The following PIWIL4 variants were observed in gnomAD, a reference collection of about 807,000 sequenced individuals.
PIWIL4 encodes the protein piwi like RNA-mediated gene silencing 4.
PIWIL4 carries 50 observed loss-of-function variants against 100.9 expected under a neutral mutation model. The ratio of observed to expected loss-of-function variants is 0.50; its 90% CI spans 0.39 to 0.63. The LOEUF is 0.63. Among genes scored for constraint, PIWIL4 ranks in the 20% least tolerant of loss-of-function variants. The pLI is 0.00. For missense variants in PIWIL4, 887 were observed against 1,043.3 expected (o/e 0.85, Z 2.06); for synonymous variants, 342 against 367.5 (o/e 0.93, Z 0.79).
At chr11:94,607,990 T>C (rs1268994847) in intron 14 of PIWIL4, among the ~76,000 whole-genome samples, 1 of 152,194 alleles carries the variant, frequency 6.6e-6, no homozygotes, top group African/African-American at 2.4e-5. Flanking sequence ...CCTGGGGAGC[T>C]GGCATAGCCT....
intron 12 of PIWIL4, among the ~76,000 whole-genome samples, chr11:94,602,860 A>ACCCG (rs1385284779): frequency 6.6e-6 from 1 of 152,138 alleles, no homozygotes; most frequent in Non-Finnish European, 1.5e-5. Flanking sequence ...ATTGAGTTTC[A>ACCCG]CCCGCTCTAC....
intron 2 of PIWIL4, among the ~76,000 whole-genome samples, chr11:94,572,393 G>C (rs547962161): frequency 2.0e-5 from 3 of 152,184 alleles, no homozygotes; most frequent in African/African-American, 7.2e-5. Context: ...TATTGCCTGG[G>C]TTTTCTTCTA....
At chr11:94,579,790 A>G (rs748473237) in intron 4 of PIWIL4, among the ~76,000 whole-genome samples, 13 of 152,234 alleles carry the variant, frequency 8.5e-5, no homozygotes, top group Non-Finnish European at 1.8e-4. Flanking sequence ...TGATCCTTCA[A>G]TTCTTTGTCC....
chr11:94,616,617 C>T, intron 16 of PIWIL4, 54 bp downstream of exon 16: 2 of 1,389,960 alleles, frequency 1.4e-6, no homozygotes, highest in Admixed American at 2.0e-5. Context: ...CTTCAGACCT[C>T]AAATCCACAT....
chr11:94,569,268 A>G (rs1439883734), intron 2 of PIWIL4, among the ~76,000 whole-genome samples: 2 of 152,260 alleles, frequency 1.3e-5, no homozygotes, highest in Admixed American at 6.5e-5. Flanking sequence ...AGATAAAGAA[A>G]ATGTGGTAAC....
intron 1 of PIWIL4, 117 bp from the exon 2 acceptor site, chr11:94,568,613 A>T: frequency 1.4e-6 from 1 of 722,402 alleles, no homozygotes. Context: ...TTTACCTGTT[A>T]ACATTTTCTT....
At chr11:94,611,037 C>T (rs1376479622) in intron 15 of PIWIL4, among the ~76,000 whole-genome samples, 3 of 152,066 alleles carry the variant, frequency 2.0e-5, no homozygotes, top group Admixed American at 1.3e-4. Context: ...CTTTCTTTAT[C>T]CCATTGTGTA....
Position 94,607,469 on chromosome 11 carries a change from A to G in PIWIL4, c.1669A>G (p.Thr557Ala). 1 of 1,613,910 alleles carries G rather than the reference A, an allele frequency of 6.2e-7. No individual in the cohort carries two copies. The highest frequency in any genetic ancestry group is 1.3e-5 in the African/African-American group (1 of 75,024). ...VMCILPSNQK[T>A]YYDSIKKYLS... ...GTGCATTCTGCCTTCTAATCAGAAG[A>G]CCTATTATGATTCCATTAAAAAATA... Residue 557 changes from threonine (T) to alanine (A), a missense_variant, in exon 14 of 20, where the codon ACC becomes GCC. Physicochemically the swap from Thr to Ala is moderately conservative, Grantham distance 58. This residue lies in a region of PIWIL4 where 741 missense variants were observed against 930.0 expected (regional missense o/e 0.80). Coordinates refer to ENST00000299001, the MANE Select transcript of PIWIL4 (RefSeq NM_152431.3).
rs1948251525 is a variant in PIWIL4 at position 94,577,283 on chromosome 11, AGTGGAATACCTGTGAAACTG to A, written c.307_326del (p.Gly103TyrfsTer5). On this transcript the variant is annotated frameshift_variant, in exon 4 of 20. Transcript: ENST00000299001. LOFTEE classifies it high-confidence loss of function. ...TTTTTGTTTGTCTTCTTCAGGTTCC[AGTGGAATACCTGTGAAACTG>A]GTTACAAACCTCTTTAACTTAGATT... 6.2e-7 allele frequency: 1 copy of A among 1,611,820 alleles called. No homozygotes were observed. The highest frequency in any genetic ancestry group is 1.1e-5 in the South Asian group (1 of 90,852).
intron 16 of PIWIL4, among the ~76,000 whole-genome samples, chr11:94,617,314 C>T (rs1035062120): frequency 2.0e-5 from 3 of 151,762 alleles, no homozygotes; most frequent in Non-Finnish European, 4.4e-5. Context: ...CTATTATATT[C>T]CCCTCACATC....
In PIWIL4 at chr11:94,621,133, A is replaced by G; in HGVS notation, c.*141A>G. ...CATGTCTAGGAAAAAAAGCAAAACA[A>G]CTTAATCTGAAACAGTTTTAAAAAA... is the stretch of plus-strand genomic sequence containing the variant. On this transcript the variant is annotated 3_prime_UTR_variant, in exon 20 of 20. Transcript: ENST00000299001. The G allele has an allele frequency of 1.7e-6, 1 of 580,400 alleles. No homozygotes were observed. The highest frequency in any genetic ancestry group is 3.0e-6 in the Non-Finnish European group (1 of 330,220). 36.0% of individuals were successfully genotyped at this position (580,400 alleles called of 1,614,324 possible). A position where few individuals can be genotyped will look rare whatever the true frequency, so the allele number is the denominator to read the frequency against.
At position 94,583,311 on chromosome 11, in the gene PIWIL4, G is replaced by T. The variant is rs1197045095; in HGVS notation, c.514-137G>T. 5 of 935,724 alleles carry T rather than the reference G, an allele frequency of 5.3e-6. No homozygotes were observed. In the African/African-American group the frequency reaches 8.3e-5, roughly 16 times the overall value. 58.0% of individuals were successfully genotyped at this position (935,724 alleles called of 1,614,324 possible). A position where few individuals can be genotyped will look rare whatever the true frequency, so the allele number is the denominator to read the frequency against. On this transcript the variant is annotated intron_variant, in intron 4 of 19. Coordinates refer to ENST00000299001, the MANE Select transcript of PIWIL4 (RefSeq NM_152431.3). ...AAAAGCCCTCTGAACATAATGTGAT[G>T]ATTAGATTATTACTCATACTAACAC...
Position 94,618,163 on chromosome 11 carries a change from G to T in PIWIL4, c.2168+56G>T, listed in dbSNP as rs1948866707. 7 of 1,467,086 alleles carry T rather than the reference G, an allele frequency of 4.8e-6. No homozygotes were observed. The Admixed American group carries it at 1.7e-4, about 35-fold the overall frequency. The allele number at this position is 1,467,086 out of a possible 1,614,324, so 90.9% of individuals were successfully genotyped here. On this transcript the variant is annotated intron_variant, in intron 17 of 19. Transcript: ENST00000299001. ...CCCAATTATAGCATATTCAGCTGTAGCTATTACACACAAGGTATTCAAGCA... is the reference window on the plus strand; with the variant it reads ...CCCAATTATAGCATATTCAGCTGTATCTATTACACACAAGGTATTCAAGCA...
chr11:94,602,026 G>C (rs1042535429), intron 12 of PIWIL4, 47 bp downstream of exon 12: 1 of 1,531,704 alleles, frequency 6.5e-7, no homozygotes, highest in African/African-American at 1.4e-5. Flanking sequence ...GGTTTGGTTA[G>C]AAGGTAGGGA....
At position 94,585,494 on chromosome 11, in the gene PIWIL4, C is replaced by G. The variant is rs201395825; in HGVS notation, c.685C>G (p.Pro229Ala). Residue 229 changes from proline to alanine, a missense_variant, in exon 6 of 20, where the codon CCT (proline) becomes GCT (alanine). Physicochemically the swap from Pro to Ala is conservative, Grantham distance 27 (BLOSUM62 -1). This residue lies in a region of PIWIL4 where 741 missense variants were observed against 930.0 expected (regional missense o/e 0.80). Transcript: ENST00000299001. ...CCAAATTGGACGGAACTTCTATAAT[C>G]CTTCAGAGCCAATGGAAATTCCCCA... ...MYQIGRNFYN[P>A]SEPMEIPQHK... 132 of 1,610,064 alleles carry G rather than the reference C, an allele frequency of 8.2e-5. No homozygotes were observed. The highest frequency in any genetic ancestry group is 1.1e-4 in the Non-Finnish European group (128 of 1,178,562).
chr11:94,584,998 G>A (rs1948378950), intron 5 of PIWIL4, among the ~76,000 whole-genome samples: 1 of 152,210 alleles, frequency 6.6e-6, no homozygotes, highest in Non-Finnish European at 1.5e-5. Context: ...CCGGGAGGCG[G>A]AGGTTGCAGT....
chr11:94,619,665 A>C, intron 17 of PIWIL4, 95 bp from the exon 18 acceptor site: 1 of 1,346,226 alleles, frequency 7.4e-7, no homozygotes, highest in Admixed American at 2.6e-5. Flanking sequence ...TTTCAAATGG[A>C]ATTTTTATTT....
intron 3 of PIWIL4, among the ~76,000 whole-genome samples, chr11:94,575,845 G>A (rs192860866): frequency 2.4e-4 from 37 of 152,256 alleles, no homozygotes; most frequent in Admixed American, 2.4e-3. Flanking sequence ...ATATGTAGAC[G>A]ATCTTGAAGG....
chr11:94,620,970 C>G lies in PIWIL4; in HGVS notation c.2537C>G (p.Ala846Gly). Residue 846 changes from alanine to glycine, a missense_variant, in exon 20 of 20, where the codon GCC becomes GGC. Transcript: ENST00000299001. ...SIHKEPSLEL[A>G]NHLFYL The stretch of plus-strand genomic sequence containing the variant: ...CATAAAGAACCCAGTCTGGAATTAG[C>G]CAACCATCTCTTCTACCTGTGATGG... 7 of 1,612,864 alleles carry G rather than the reference C, an allele frequency of 4.3e-6. No individual in the cohort carries two copies. The highest frequency in any genetic ancestry group is 5.9e-6 in the Non-Finnish European group (7 of 1,179,198).
Sources: allele counts gnomAD v4.1 joint callset (sites outside exome capture counted in the v4.1 genomes callset), GRCh38; gene constraint gnomAD v4.1.1; regional missense constraint gnomAD v4.1.1; transcripts MANE v1.5; gene names NCBI Gene and HGNC (gene_info 2026-07-23, HGNC 2026-07-21).